ANO1: variants seen among roughly 807,000 people sequenced by gnomAD.
ANO1 encodes anoctamin-1.
A neutral mutation model predicts 124.0 loss-of-function variants in ANO1; 59 were observed. The observed-to-expected ratio is 0.48, with a 90% CI of 0.39 to 0.59. The LOEUF (loss-of-function observed/expected upper bound fraction) is 0.59, where lower values mean the gene tolerates loss of function less well. Ranked by LOEUF, ANO1 falls within the 20% of genes least tolerant of loss-of-function variation. The probability of loss-of-function intolerance (pLI) is 0.00; values close to 1 mark genes in which losing one functional copy is unlikely to be tolerated. For synonymous variants in ANO1, 529 were observed against 532.0 expected (o/e 0.99, Z 0.08); for missense variants, 1,059 against 1,328.0 (o/e 0.80, Z 3.15).
Position 70,087,823 on chromosome 11 carries a change from C to A in ANO1, c.180C>A (p.Arg60=). 6.2e-7 allele frequency: 1 copy of A among 1,613,106 alleles called. No individual in the cohort carries two copies. Among genetic ancestry groups the A allele is most frequent in the Non-Finnish European group, 8.5e-7 (1 of 1,179,724 alleles). The change falls in exon 2 of 26, where the codon CGC becomes CGA. Residue 60 remains arginine (R), a synonymous_variant. Transcript: ENST00000355303. ...GCCTGTACTTCAGGGACGGCCGGCG[C>A]AAGGTGGACTACATCCTGGTGTACC... ...KYGLYFRDGR[R]KVDYILVYHH... is the part of the protein sequence containing the mutation.
intron 1 of ANO1, chr11:70,085,775 C>CCAAACAGTCAG: frequency 7.5e-7 from 1 of 1,324,794 alleles, no homozygotes; most frequent in Non-Finnish European, 1.0e-6. Flanking sequence ...CCCCTCTCCC[C>CCAAACAGTCAG]CACTGCAGTG....
At chr11:69,981,938 A>G (rs1855963290), upstream of ANO1, among the ~76,000 whole-genome samples, 3 of 152,256 alleles carry the variant, frequency 2.0e-5, no homozygotes, top group Non-Finnish European at 4.4e-5. Context: ...ACGAAAGACC[A>G]TGTAATGTAT....
At chr11:70,041,687 A>G (rs782288990) in intron 1 of ANO1, among the ~76,000 whole-genome samples, 2 of 151,892 alleles carry the variant, frequency 1.3e-5, no homozygotes, top group Non-Finnish European at 2.9e-5. Context: ...AGCATCTAGA[A>G]CAAACCCTGG....
At chr11:69,995,565 T>C (rs1554998251) in intron 1 of ANO1, among the ~76,000 whole-genome samples, 1 of 152,220 alleles carries the variant, frequency 6.6e-6, no homozygotes, top group African/African-American at 2.4e-5. Context: ...CCTTGTTTTC[T>C]GTTGACTCTG....
At chr11:70,085,722 C>T in intron 1 of ANO1, 1 of 1,432,110 alleles carries the variant, frequency 7.0e-7, no homozygotes. Flanking sequence ...TCTCTCCTTC[C>T]CCTACAACTA....
intron 15 of ANO1, 90 bp from the exon 16 acceptor site, chr11:70,156,857 A>T (rs2047834995): frequency 2.6e-6 from 3 of 1,163,088 alleles, no homozygotes; most frequent in Non-Finnish European, 3.8e-6. Context: ...CCCTGGGCCC[A>T]TGCACGCACG....
intron 16 of ANO1, among the ~76,000 whole-genome samples, chr11:70,159,550 G>C (rs914572222): frequency 6.6e-6 from 1 of 152,216 alleles, no homozygotes; most frequent in Non-Finnish European, 1.5e-5. Context: ...TTCATTCAGC[G>C]AACAAACGTT....
chr11:69,981,350 G>A (rs1855957843), upstream of ANO1, among the ~76,000 whole-genome samples: 1 of 152,252 alleles, frequency 6.6e-6, no homozygotes, highest in African/African-American at 2.4e-5. Context: ...AGGAATGATA[G>A]GAGCACGTAC....
At chr11:69,995,777 T>C (rs1365079755) in intron 1 of ANO1, among the ~76,000 whole-genome samples, 1 of 152,182 alleles carries the variant, frequency 6.6e-6, no homozygotes, top group African/African-American at 2.4e-5. Context: ...TGGCTGCTTC[T>C]CCACCGTCAG....
intron 1 of ANO1, among the ~76,000 whole-genome samples, chr11:70,053,518 C>G (rs920296000): frequency 6.6e-6 from 1 of 151,944 alleles, no homozygotes; most frequent in Non-Finnish European, 1.5e-5. Flanking sequence ...TTTTTTTCTC[C>G]TTTATTTTGT....
At chr11:70,029,881 C>T (rs1555003632) in intron 1 of ANO1, among the ~76,000 whole-genome samples, 1 of 152,202 alleles carries the variant, frequency 6.6e-6, no homozygotes, top group African/African-American at 2.4e-5. Context: ...CCTTCTCTCT[C>T]CTCTGTGTGT....
the ANO1 span, among the ~76,000 whole-genome samples, chr11:69,979,889 T>C: frequency 2.0e-5 from 3 of 152,182 alleles, no homozygotes; most frequent in African/African-American, 4.8e-5. Context: ...AGGAGGTCCA[T>C]CATGCCTCCA....
At position 70,153,717 on chromosome 11, in the gene ANO1, G is replaced by A. The variant is rs183698439; in HGVS notation, c.1425+589G>A. Among the ~76,000 whole-genome samples, 8 of 152,204 alleles carry A rather than the reference G, an allele frequency of 5.3e-5. No homozygotes were observed. In the East Asian group the frequency reaches 1.5e-3, roughly 29 times the overall value. On this transcript the variant is annotated intron_variant, in intron 14 of 25. Transcript: ENST00000355303. ...CAAATTAAGTCATATGTGCAGCCAG[G>A]ACTCTCGAAGACCTCCAGAGGTGCT...
chr11:70,128,039 G>A (rs2046593460), intron 10 of ANO1, among the ~76,000 whole-genome samples: 1 of 152,224 alleles, frequency 6.6e-6, no homozygotes, highest in African/African-American at 2.4e-5. Context: ...CACTGAGCCT[G>A]TCTGTAAAGA....
chr11:70,052,308 T>A (rs1014806386), intron 1 of ANO1, among the ~76,000 whole-genome samples: 3 of 152,230 alleles, frequency 2.0e-5, no homozygotes. Flanking sequence ...TTATAACTAT[T>A]GTTGGTCGAT....
chr11:70,152,164 GTC>G (rs2047625596), intron 12 of ANO1, among the ~76,000 whole-genome samples: 1 of 152,028 alleles, frequency 6.6e-6, no homozygotes. Context: ...GTGAAACCCT[GTC>G]TCTACTAAAA....
At chr11:70,027,200 G>T (rs1325629223) in intron 1 of ANO1, among the ~76,000 whole-genome samples, 1 of 152,152 alleles carries the variant, frequency 6.6e-6, no homozygotes, top group East Asian at 1.9e-4. Flanking sequence ...TAAACTCATT[G>T]TAAGTTGAAA....
chr11:70,145,953 A>C (rs1322719336), intron 11 of ANO1, among the ~76,000 whole-genome samples: 3 of 151,604 alleles, frequency 2.0e-5, no homozygotes, highest in East Asian at 1.9e-4. Flanking sequence ...CAAAAAAAAA[A>C]AAAAAAAAAA....
chr11:70,080,098 T>C (rs1187721405), intron 1 of ANO1, among the ~76,000 whole-genome samples: 1 of 152,262 alleles, frequency 6.6e-6, no homozygotes, highest in Non-Finnish European at 1.5e-5. Flanking sequence ...ATCTGGAGCT[T>C]ACTTAAGAAA....
Sources: gnomAD v4.1 joint callset for allele counts (sites outside exome capture counted in the v4.1 genomes callset) on GRCh38, gnomAD v4.1.1 for gene constraint, MANE v1.5 for transcripts, NCBI Gene and HGNC (gene_info 2026-07-23, HGNC 2026-07-21) for gene names.